Variants in PLEKHD1 observed in about 807,000 individuals in gnomAD.
PLEKHD1 encodes pleckstrin homology and coiled-coil domain containing D1, also known as pleckstrin homology domain-containing family D member 1.
In PLEKHD1, 51 loss-of-function variants were observed where a neutral mutation model predicts 69.2. That is an observed-to-expected ratio of 0.74 (90% CI 0.59 to 0.93). The LOEUF is 0.93. PLEKHD1 is among the 40% of genes least tolerant of loss of function. The pLI is 0.00. For missense variants in PLEKHD1, 584 were observed against 641.0 expected, an observed-to-expected ratio of 0.91 and a Z score of 0.96; for synonymous variants, 236 against 244.7, an observed-to-expected ratio of 0.96 and a Z score of 0.33.
Position 69,502,871 on chromosome 14 carries a change from CAG to C in PLEKHD1, c.554_555del (p.Glu185GlyfsTer3). ...ETEELCLQRE[Q>X]REELERLNQV... Reference sequence around the variant, plus strand: ...CGAAGAACTCTGCCTTCAGAGGGAGCAGAGAGAGGTAGGTGCACACCAAGGGG... The same window carrying C: ...CGAAGAACTCTGCCTTCAGAGGGAGCAGAGAGGTAGGTGCACACCAAGGGG... On this transcript the variant is annotated frameshift_variant, in exon 6 of 13. Transcript: ENST00000322564. LOFTEE classifies it high-confidence loss of function. 1.9e-6 allele frequency: 3 copies of C among 1,551,574 alleles called. No individual in the cohort carries two copies. The highest frequency in any genetic ancestry group is 1.7e-6 in the Non-Finnish European group (2 of 1,146,946).
At chr14:69,492,406 C>T (rs148565439) in intron 1 of PLEKHD1, among the ~76,000 whole-genome samples, 76 of 152,296 alleles carry the variant, frequency 5.0e-4, no homozygotes, top group African/African-American at 1.7e-3. Context: ...CTAATATAAA[C>T]TTACAATGTT....
At chr14:69,492,067 C>T (rs567863779) in intron 1 of PLEKHD1, among the ~76,000 whole-genome samples, 2 of 152,268 alleles carry the variant, frequency 1.3e-5, no homozygotes, top group Admixed American at 6.5e-5. Flanking sequence ...AGAAGTCCAG[C>T]GTCTTCACAA....
rs138621077 is a variant in PLEKHD1, at chr14:69,511,013, C to G, written c.555+8134C>G. On this transcript the variant is annotated intron_variant, in intron 6 of 12. Coordinates refer to ENST00000322564, the MANE Select transcript of PLEKHD1 (RefSeq NM_001161498.2). ...GCTTTTTCCATGTGATTCTTTTTCT[C>G]TTCTTTAGCCTGTTGATGTGATGGA... 3.3e-5 allele frequency among the ~76,000 whole-genome samples: 5 copies of G among 152,286 alleles called. No individual in the cohort carries two copies. In the East Asian group the frequency reaches 9.6e-4, roughly 29 times the overall value.
chr14:69,492,328 A>C (rs1190627363), intron 1 of PLEKHD1, among the ~76,000 whole-genome samples: 1 of 152,154 alleles, frequency 6.6e-6, no homozygotes, highest in African/African-American at 2.4e-5. Flanking sequence ...TAGTTGTCAC[A>C]TCTTGGGGAG....
At chr14:69,519,960 G>A (rs778762341) in intron 6 of PLEKHD1, among the ~76,000 whole-genome samples, 9 of 152,014 alleles carry the variant, frequency 5.9e-5, no homozygotes, top group South Asian at 2.1e-4. Context: ...TCAGGAGTTC[G>A]AGACCAGCCT....
intron 7 of PLEKHD1, among the ~76,000 whole-genome samples, chr14:69,523,086 C>T (rs942011123): frequency 1.3e-5 from 2 of 152,106 alleles, no homozygotes; most frequent in Non-Finnish European, 2.9e-5. Flanking sequence ...ACATGTGCCA[C>T]CATGCTTGGC....
intron 1 of PLEKHD1, among the ~76,000 whole-genome samples, chr14:69,492,047 G>C (rs1296961713): frequency 6.6e-6 from 1 of 152,076 alleles, no homozygotes; most frequent in African/African-American, 2.4e-5. Flanking sequence ...AGCTCCCCTT[G>C]TCTGCAGGAA....
chr14:69,528,521 T>C lies in PLEKHD1; in HGVS notation c.*102T>C. 7.2e-7 allele frequency: 1 copy of C among 1,391,862 alleles called. No homozygotes were observed. Among genetic ancestry groups the C allele is most frequent in the Non-Finnish European group, 9.6e-7 (1 of 1,045,880 alleles). 86.2% of individuals were successfully genotyped at this position (1,391,862 alleles called of 1,614,324 possible). On this transcript the variant is annotated 3_prime_UTR_variant, in exon 13 of 13. Transcript: ENST00000322564. Reference sequence around the variant, plus strand: ...CTCTACCAGCTCCTGGCCTCTCTGGTCTGGAGCCTATGTCTCCTCTGGGCC... The same window carrying C: ...CTCTACCAGCTCCTGGCCTCTCTGGCCTGGAGCCTATGTCTCCTCTGGGCC...
chr14:69,477,522 A>C, the PLEKHD1 span, among the ~76,000 whole-genome samples: 1 of 152,212 alleles, frequency 6.6e-6, no homozygotes, highest in African/African-American at 2.4e-5. Flanking sequence ...CATCTGAGAC[A>C]AGGCAAGTCC....
Position 69,500,946 on chromosome 14 carries a change from G to A in PLEKHD1, c.409G>A (p.Val137Met). 3 of 1,551,506 alleles carry A rather than the reference G, an allele frequency of 1.9e-6. No individual in the cohort carries two copies. The highest frequency in any genetic ancestry group is 2.6e-6 in the Non-Finnish European group (3 of 1,146,992). Residue 137 changes from valine (V) to methionine (M), a missense_variant and splice_region_variant, in exon 4 of 13, where the codon GTG (valine) becomes ATG (methionine). Coordinates refer to ENST00000322564, the MANE Select transcript of PLEKHD1 (RefSeq NM_001161498.2). ...WLEMLQESGKVTWKNAQLGEA... is the reference protein window; with the variant it reads ...WLEMLQESGKMTWKNAQLGEA... Reference sequence around the variant, plus strand: ...GGAGATGCTGCAGGAGTCTGGGAAGGTGTAAGTGCTCACAGCCAGGAGGGC... The same window carrying A: ...GGAGATGCTGCAGGAGTCTGGGAAGATGTAAGTGCTCACAGCCAGGAGGGC...
chr14:69,522,560 C>T (rs993495991), intron 7 of PLEKHD1, among the ~76,000 whole-genome samples, 183 bp downstream of exon 7: 4 of 152,116 alleles, frequency 2.6e-5, no homozygotes, highest in African/African-American at 9.7e-5. Flanking sequence ...CCAGAAGAAT[C>T]TGTAGACTCC....
chr14:69,468,193 G>C, the PLEKHD1 span, among the ~76,000 whole-genome samples: 1 of 152,204 alleles, frequency 6.6e-6, no homozygotes, highest in African/African-American at 2.4e-5. Context: ...TTTTTATCCA[G>C]TGTTCAGAGC....
At chr14:69,477,418 G>A in the PLEKHD1 span, among the ~76,000 whole-genome samples, 2 of 152,152 alleles carry the variant, frequency 1.3e-5, no homozygotes, top group African/African-American at 4.8e-5. Flanking sequence ...CAAATCTCAT[G>A]TACTCACATT....
intron 6 of PLEKHD1, among the ~76,000 whole-genome samples, chr14:69,519,256 A>G (rs1403048312): frequency 6.6e-6 from 1 of 152,130 alleles, no homozygotes; most frequent in Non-Finnish European, 1.5e-5. Context: ...TTGAGCCTGT[A>G]AGGAAAAGGC....
At chr14:69,501,713 C>T (rs1028880762) in intron 4 of PLEKHD1, 21 bp from the exon 5 acceptor site, 2 of 1,523,034 alleles carry the variant, frequency 1.3e-6, no homozygotes, top group African/African-American at 2.8e-5. Context: ...CTCCTCTGTC[C>T]CATCTGCCCT....
chr14:69,507,051 T>C, intron 6 of PLEKHD1, among the ~76,000 whole-genome samples: 1 of 151,850 alleles, frequency 6.6e-6, no homozygotes, highest in East Asian at 1.9e-4. Context: ...TACAGGCGCG[T>C]GCCACCATTT....
At chr14:69,493,608 CTTAGCATCA>C (rs1882823982) in intron 1 of PLEKHD1, among the ~76,000 whole-genome samples, 3 of 152,226 alleles carry the variant, frequency 2.0e-5, no homozygotes, top group African/African-American at 7.2e-5. Flanking sequence ...CAATAAAACA[CTTAGCATCA>C]GGGCCTTTGC....
intron 6 of PLEKHD1, among the ~76,000 whole-genome samples, chr14:69,512,485 G>A (rs978318655): frequency 6.7e-6 from 1 of 150,204 alleles, no homozygotes; most frequent in Non-Finnish European, 1.5e-5. Flanking sequence ...TTAGATTATT[G>A]ATTTTAGATA....
chr14:69,472,672 G>T, the PLEKHD1 span, among the ~76,000 whole-genome samples: 1 of 152,214 alleles, frequency 6.6e-6, no homozygotes, highest in African/African-American at 2.4e-5. Flanking sequence ...ACAGTGTTCA[G>T]TACAGTAATG....
Sources: allele counts gnomAD v4.1 joint callset (sites outside exome capture counted in the v4.1 genomes callset), GRCh38; gene constraint gnomAD v4.1.1; transcripts MANE v1.5; gene names NCBI Gene and HGNC (gene_info 2026-07-23, HGNC 2026-07-21).